Variants in PLD5 observed in about 807,000 individuals in gnomAD.
The protein encoded by PLD5 is inactive phospholipase D5.
A neutral mutation model predicts 61.1 loss-of-function variants in PLD5; 36 were observed. The observed-to-expected ratio is 0.59, with a 90% confidence interval of 0.45 to 0.78. PLD5 has a LOEUF of 0.78. Among genes scored for constraint, PLD5 ranks in the 30% least tolerant of loss-of-function variants. The pLI is 0.00. For synonymous variants in PLD5, 243 were observed against 242.8 expected (o/e 1.00, Z -0.01); for missense variants, 515 against 644.4 (o/e 0.80, Z 2.17).
intron 1 of PLD5, among the ~76,000 whole-genome samples, chr1:242,442,414 C>G (rs1666318667): frequency 6.6e-6 from 1 of 152,158 alleles, no homozygotes; most frequent in African/African-American, 2.4e-5. Flanking sequence ...TCCACTTTAT[C>G]CATGGCGGCA....
At chr1:242,187,486 T>C (rs1013017625) in intron 5 of PLD5, among the ~76,000 whole-genome samples, 4 of 152,236 alleles carry the variant, frequency 2.6e-5, no homozygotes, top group Non-Finnish European at 4.4e-5. Flanking sequence ...AACTGATATA[T>C]GCACTATGAA....
At chr1:242,528,280 T>C (rs1011224132), upstream of PLD5, among the ~76,000 whole-genome samples, 60 of 152,246 alleles carry the variant, frequency 3.9e-4, no homozygotes, top group African/African-American at 1.3e-3. Context: ...GAGAAATTTC[T>C]GTATAAACTA....
chr1:242,113,933 C>T lies in PLD5; in HGVS notation c.1027G>A (p.Ala343Thr), dbSNP rs771246339. The T allele has an allele frequency of 5.6e-6, 9 of 1,613,538 alleles. No homozygotes were observed. Among genetic ancestry groups the T allele is most frequent in the East Asian group, 2.2e-5 (1 of 44,874 alleles). The change falls in exon 7 of 10, where the codon GCT becomes ACT. Residue 343 changes from alanine to threonine, a missense_variant. Ala to Thr is a moderately conservative substitution (Grantham distance 58). Transcript: ENST00000536534. ...IDDAKQYVYI[A>T]VMDYLPISST... ...GAGATAGGCAGGTAGTCCATGACAG[C>T]GATGTACACATACTGCTTGGCATCA...
rs1291166835 is a variant in PLD5 at position 242,084,192 on chromosome 1, A to C, written c.*5662T>G. On this transcript the variant is annotated 3_prime_UTR_variant, in exon 10 of 10. Transcript: ENST00000536534. ...CTGTTAGCCCATTTTTTTAAAAAAA[A>C]ACACGAAATTGTAGCATTCAGAAAC... The C allele has an allele frequency of 2.0e-5, 3 of 152,238 alleles. No individual in the cohort carries two copies. The highest frequency in any genetic ancestry group is 3.9e-4 in the East Asian group (2 of 5,174). The allele number at this position is 152,238 out of a possible 1,614,324, so 9.4% of individuals were successfully genotyped here. A position where few individuals can be genotyped will look rare whatever the true frequency, so the allele number is the denominator to read the frequency against.
At chr1:242,476,739 T>C (rs1489438994) in intron 1 of PLD5, among the ~76,000 whole-genome samples, 1 of 152,204 alleles carries the variant, frequency 6.6e-6, no homozygotes, top group Non-Finnish European at 1.5e-5. Flanking sequence ...ATACTTCTGT[T>C]ACCCTTTCTG....
At chr1:242,466,948 C>A (rs1667297230) in intron 1 of PLD5, among the ~76,000 whole-genome samples, 1 of 143,016 alleles carries the variant, frequency 7.0e-6, no homozygotes, top group Non-Finnish European at 1.5e-5. Context: ...GTTACCAGGG[C>A]TGAGTGGGGA....
chr1:242,396,423 A>T (rs1663575716), intron 1 of PLD5, among the ~76,000 whole-genome samples: 1 of 151,950 alleles, frequency 6.6e-6, no homozygotes, highest in Non-Finnish European at 1.5e-5. Flanking sequence ...CCCTCCAGCT[A>T]CCATCTCATT....
At chr1:242,506,810 G>T (rs981535703) in intron 1 of PLD5, among the ~76,000 whole-genome samples, 1 of 152,210 alleles carries the variant, frequency 6.6e-6, no homozygotes, top group African/African-American at 2.4e-5. Context: ...GTAAAGTGGC[G>T]TAGTGCACTG....
chr1:242,397,645 T>G (rs1016096106), intron 1 of PLD5, among the ~76,000 whole-genome samples: 2 of 152,162 alleles, frequency 1.3e-5, no homozygotes, highest in African/African-American at 4.8e-5. Flanking sequence ...GGAGGTAGAA[T>G]GTCTTTCTAC....
At chr1:242,246,915 G>A (rs1463245225) in intron 4 of PLD5, among the ~76,000 whole-genome samples, 3 of 151,896 alleles carry the variant, frequency 2.0e-5, no homozygotes, top group South Asian at 4.1e-4. Context: ...TTGGCTCAGT[G>A]TGAAAAAGTG....
At chr1:242,260,178 C>G (rs901502864) in intron 4 of PLD5, among the ~76,000 whole-genome samples, 3 of 152,074 alleles carry the variant, frequency 2.0e-5, no homozygotes, top group African/African-American at 7.2e-5. Context: ...GAAACTCCAT[C>G]TCTACTAAAA....
Position 242,436,551 on chromosome 1 carries a change from C to A in PLD5, c.189+87537G>T, listed in dbSNP as rs1295512638. On this transcript the variant is annotated intron_variant, in intron 1 of 9. Coordinates refer to ENST00000536534, the MANE Select transcript of PLD5 (RefSeq NM_001372062.1). ...AAGACAATAGCTCAAATCCACAGAC[C>A]CAGACAGCTTTTTATCCAAAGGACA... Among the ~76,000 whole-genome samples the A allele has an allele frequency of 2.0e-5, 3 of 152,158 alleles. No individual in the cohort carries two copies. The East Asian group carries it at 5.8e-4, about 29-fold the overall frequency.
chr1:242,366,167 C>T (rs1418428), intron 1 of PLD5, among the ~76,000 whole-genome samples: 144,180 of 152,274 alleles, frequency 0.95, 68,732 homozygotes, highest in Non-Finnish European at 1. Context: ...TGATACACTA[C>T]TGAAGAAACC....
Position 242,350,640 on chromosome 1 carries a change from G to A in PLD5, c.190-2398C>T, listed in dbSNP as rs549588852. 1.5e-3 allele frequency among the ~76,000 whole-genome samples: 227 copies of A among 152,274 alleles called. 2 individuals are homozygous for A. The highest frequency in any genetic ancestry group is 5.2e-3 in the African/African-American group (218 of 41,566). ...AAATGACAGATTGTAGTTAGAAAGA[G>A]ATGTAGTCAAGTCAAAGGAATGAAT... On this transcript the variant is annotated intron_variant, in intron 1 of 9. Transcript: ENST00000536534.
intron 1 of PLD5, among the ~76,000 whole-genome samples, chr1:242,378,309 A>G (rs546780095): frequency 6.6e-6 from 1 of 152,336 alleles, no homozygotes; most frequent in East Asian, 1.9e-4. Flanking sequence ...AGTGTAGCCA[A>G]ATTCAAAGAG....
At chr1:242,185,657 C>A (rs1330883827) in intron 5 of PLD5, among the ~76,000 whole-genome samples, 1 of 152,136 alleles carries the variant, frequency 6.6e-6, no homozygotes, top group African/African-American at 2.4e-5. Context: ...CCTTAAGAGT[C>A]TCTTAATTAA....
chr1:242,338,107 A>C (rs1574758717), intron 2 of PLD5, among the ~76,000 whole-genome samples: 1 of 152,322 alleles, frequency 6.6e-6, no homozygotes, highest in East Asian at 1.9e-4. Flanking sequence ...TTTCTGTTGA[A>C]AATTTTTTGT....
intron 1 of PLD5, among the ~76,000 whole-genome samples, chr1:242,398,864 A>G (rs1663757269): frequency 6.6e-6 from 1 of 152,226 alleles, no homozygotes; most frequent in South Asian, 2.1e-4. Context: ...GATCGGGTGA[A>G]AGGCACTGAA....
At chr1:242,440,583 A>C (rs997481380) in intron 1 of PLD5, among the ~76,000 whole-genome samples, 1 of 152,268 alleles carries the variant, frequency 6.6e-6, no homozygotes, top group Non-Finnish European at 1.5e-5. Context: ...GACCATATGA[A>C]GAGCAAAATT....
Sources: gnomAD v4.1 joint callset for allele counts (sites outside exome capture counted in the v4.1 genomes callset) on GRCh38, gnomAD v4.1.1 for gene constraint, MANE v1.5 for transcripts, NCBI Gene and HGNC (gene_info 2026-07-23, HGNC 2026-07-21) for gene names.